MBD5: variants seen among roughly 807,000 people sequenced by gnomAD.
The protein encoded by MBD5 is methyl-CpG binding domain protein 5, also known as methyl-CpG-binding domain protein 5.
MBD5 carries 13 observed loss-of-function variants against 117.3 expected under a neutral mutation model. The ratio of observed to expected loss-of-function variants is 0.11; its 90% CI spans 0.07 to 0.18. MBD5 has a LOEUF of 0.18. Ranked by LOEUF, MBD5 falls within the 10% of genes least tolerant of loss-of-function variation. The pLI is 1.00. For synonymous variants in MBD5, 727 were observed against 766.4 expected, an observed-to-expected ratio of 0.95 and a Z score of 0.85; for missense variants, 1,879 against 2,093.8, an observed-to-expected ratio of 0.90 and a Z score of 2.00.
At chr2:148,465,506 T>C (rs1707232825) in intron 7 of MBD5, among the ~76,000 whole-genome samples, 2 of 152,146 alleles carry the variant, frequency 1.3e-5, no homozygotes, top group Non-Finnish European at 2.9e-5. Flanking sequence ...CCCATGGAAC[T>C]CTGAAAAATA....
intron 1 of MBD5, among the ~76,000 whole-genome samples, chr2:148,105,547 T>C (rs17299559): frequency 6.6e-6 from 1 of 152,144 alleles, no homozygotes; most frequent in Non-Finnish European, 1.5e-5. Context: ...GTTAGCAATT[T>C]GTATGTGCCT....
chr2:148,389,717 T>G (rs1704507209), intron 4 of MBD5, among the ~76,000 whole-genome samples: 1 of 152,106 alleles, frequency 6.6e-6, no homozygotes. Flanking sequence ...GTTTGTTGGA[T>G]GTTTGTATGT....
chr2:148,022,272 C>T (rs1422107456), intron 1 of MBD5, among the ~76,000 whole-genome samples: 8 of 152,044 alleles, frequency 5.3e-5, no homozygotes, highest in African/African-American at 1.9e-4. Flanking sequence ...TTTTGTCTGA[C>T]TTCCATGGAA....
intron 4 of MBD5, among the ~76,000 whole-genome samples, chr2:148,389,632 G>A (rs148446395): frequency 6.6e-6 from 1 of 152,132 alleles, no homozygotes; most frequent in African/African-American, 2.4e-5. Context: ...ATTCTGACTG[G>A]TGTGAGATGG....
intron 1 of MBD5, among the ~76,000 whole-genome samples, chr2:148,141,046 A>G (rs1419533306): frequency 6.6e-6 from 1 of 152,208 alleles, no homozygotes; most frequent in Non-Finnish European, 1.5e-5. Flanking sequence ...TGCTGGGATT[A>G]CAGGTGTCAG....
intron 1 of MBD5, among the ~76,000 whole-genome samples, chr2:148,129,361 G>A (rs760700373): frequency 1.2e-4 from 18 of 152,084 alleles, no homozygotes; most frequent in Admixed American, 2.0e-4. Context: ...CAGGCGTGGC[G>A]ATGTGTGCCT....
At chr2:148,450,379 T>C (rs1706692562) in intron 4 of MBD5, among the ~76,000 whole-genome samples, 1 of 152,216 alleles carries the variant, frequency 6.6e-6, no homozygotes, top group African/African-American at 2.4e-5. Flanking sequence ...AACCCTATTT[T>C]AGGCTTTTTA....
chr2:148,485,908 A>C lies in MBD5; in HGVS notation c.3711A>C (p.Pro1237=). The change falls in exon 10 of 14, where the codon CCA becomes CCC. Residue 1237 remains proline (P), a synonymous_variant. Coordinates refer to ENST00000642680, the MANE Select transcript of MBD5 (RefSeq NM_001378120.1). ...AAGGACAGTCCACAATTCCTTGCCCAGCTAACAATAACCCCATGGCTTGTC... is the reference window on the plus strand; with the variant it reads ...AAGGACAGTCCACAATTCCTTGCCCCGCTAACAATAACCCCATGGCTTGTC... The part of the protein sequence containing the change: ...AFQGQSTIPC[P]ANNNPMACLF... 1 of 1,614,150 alleles carries C rather than the reference A, an allele frequency of 6.2e-7. No individual in the cohort carries two copies. The highest frequency in any genetic ancestry group is 8.5e-7 in the Non-Finnish European group (1 of 1,179,982).
intron 3 of MBD5, among the ~76,000 whole-genome samples, chr2:148,313,358 G>A (rs1559017928): frequency 6.6e-6 from 1 of 152,186 alleles, no homozygotes; most frequent in Non-Finnish European, 1.5e-5. Context: ...TCTCAGAGAG[G>A]AGGAATCTTG....
Position 148,463,735 on chromosome 2 carries a change from C to T in MBD5, c.217-4C>T, listed in dbSNP as rs1707170894. The T allele has an allele frequency of 6.2e-7, 1 of 1,613,354 alleles. No homozygotes were observed. ...ATTCTAAACAAAGGCTGTGCTTTTT[C>T]CAGGTATTTAATTTTGATCCTGGAG... On this transcript the variant is annotated splice_polypyrimidine_tract_variant and splice_region_variant and intron_variant, in intron 6 of 13. Transcript: ENST00000642680.
At chr2:148,394,125 T>A (rs1704638023) in intron 4 of MBD5, among the ~76,000 whole-genome samples, 1 of 152,200 alleles carries the variant, frequency 6.6e-6, no homozygotes, top group Non-Finnish European at 1.5e-5. Context: ...TTTTCTGACA[T>A]CCTAAATTCA....
At chr2:148,055,512 A>G (rs984849331) in intron 1 of MBD5, 1 of 150,418 alleles carries the variant, frequency 6.6e-6, no homozygotes, top group African/African-American at 2.5e-5. Flanking sequence ...CGCTCCCTGC[A>G]ACCTCCGCCT....
intron 4 of MBD5, among the ~76,000 whole-genome samples, chr2:148,399,322 A>G (rs918490034): frequency 5.3e-5 from 8 of 151,910 alleles, no homozygotes; most frequent in Non-Finnish European, 1.0e-4. Flanking sequence ...ATCCTCTTTT[A>G]TTTCCTTGAG....
chr2:148,380,837 G>A (rs981094776), intron 4 of MBD5, among the ~76,000 whole-genome samples: 11 of 152,174 alleles, frequency 7.2e-5, no homozygotes, highest in South Asian at 2.1e-4. Flanking sequence ...TGCAGCCACC[G>A]CTGCTGATAC....
chr2:148,122,826 A>C (rs557322306), intron 1 of MBD5, among the ~76,000 whole-genome samples: 12 of 152,304 alleles, frequency 7.9e-5, no homozygotes, highest in Non-Finnish European at 1.2e-4. Flanking sequence ...TAAACTGTGA[A>C]ATGCTTTATA....
At chr2:148,025,708 C>G (rs934950863) in intron 1 of MBD5, 8 of 152,008 alleles carry the variant, frequency 5.3e-5, no homozygotes, top group East Asian at 1.9e-4. Context: ...CAAATTTTAG[C>G]AAATCTAACA....
At chr2:148,386,489 C>T (rs1182917349) in intron 4 of MBD5, among the ~76,000 whole-genome samples, 1 of 151,792 alleles carries the variant, frequency 6.6e-6, no homozygotes, top group Non-Finnish European at 1.5e-5. Flanking sequence ...GAGGCCGAGG[C>T]GGGCGGATCA....
At chr2:148,148,486 T>C (rs879653174) in intron 1 of MBD5, among the ~76,000 whole-genome samples, 4 of 152,216 alleles carry the variant, frequency 2.6e-5, no homozygotes, top group African/African-American at 4.8e-5. Flanking sequence ...AAGTTTTTAA[T>C]TTCCAGAGTT....
At chr2:148,099,441 G>A (rs1352396528) in intron 1 of MBD5, among the ~76,000 whole-genome samples, 3 of 152,126 alleles carry the variant, frequency 2.0e-5, no homozygotes, top group African/African-American at 7.2e-5. Flanking sequence ...AAAGCAATTA[G>A]TACTGCCTTG....
Sources: allele counts gnomAD v4.1 joint callset (sites outside exome capture counted in the v4.1 genomes callset), GRCh38; gene constraint gnomAD v4.1.1; transcripts MANE v1.5; gene names NCBI Gene and HGNC (gene_info 2026-07-23, HGNC 2026-07-21).